CD63: variants seen among roughly 807,000 people sequenced by gnomAD.
CD63 encodes CD63 molecule.
Under a neutral mutation model 29.2 loss-of-function variants are expected in CD63, and 16 were observed. The ratio of observed to expected loss-of-function variants is 0.55; its 90% confidence interval spans 0.37 to 0.83. CD63 has a LOEUF of 0.83. Ranked by LOEUF, CD63 falls within the 40% of genes least tolerant of loss-of-function variation. The pLI, the probability that CD63 is intolerant of heterozygous loss-of-function variation, is 0.00. For missense variants in CD63, 251 were observed against 297.3 expected (o/e 0.84, Z 1.15); for synonymous variants, 118 against 111.7 (o/e 1.06, Z -0.36).
At chr12:55,724,634 C>A, downstream of CD63, 2 of 1,151,256 alleles carry the variant, frequency 1.7e-6, no homozygotes, top group East Asian at 2.4e-5. Context: ...GTGCCTGCCA[C>A]AAAATAAGCA....
In CD63 at chr12:55,726,793, C is replaced by G. The variant is rs760344386; in HGVS notation, c.333G>C (p.Val111=). The change falls in exon 5 of 8, where the codon GTG becomes GTC. Residue 111 remains valine, a splice_region_variant and synonymous_variant. Transcript: ENST00000257857. ...AIAGYVFRDK[V]MSEFNNNFRQ... is the part of the protein sequence containing the mutation. Reference sequence around the variant, plus strand: ...GGAAGTTGTTATTAAACTCTGACATCACCTGAGAGTACGGAGGAGCACTGT... The same window carrying G: ...GGAAGTTGTTATTAAACTCTGACATGACCTGAGAGTACGGAGGAGCACTGT... 4 of 1,613,134 alleles carry G rather than the reference C, an allele frequency of 2.5e-6. No homozygotes were observed. The highest frequency in any genetic ancestry group is 2.7e-5 in the African/African-American group (2 of 74,908).
rs1299540378 is a variant in CD63 at position 55,727,335 on chromosome 12, C to T, written c.71G>A (p.Cys24Tyr). 1 of 1,612,664 alleles carries T rather than the reference C, an allele frequency of 6.2e-7. No homozygotes were observed. Among genetic ancestry groups the T allele is most frequent in the Non-Finnish European group, 8.5e-7 (1 of 1,179,414 alleles). Reference sequence around the variant, plus strand: ...ACCCACGGCAATCAGTCCCACTGCACAGGCCTAAGAGAAAATCAGGTGAGG... The same window carrying T: ...ACCCACGGCAATCAGTCCCACTGCATAGGCCTAAGAGAAAATCAGGTGAGG... ...LYVLLLAFCA[C>Y]AVGLIAVGVG... is the part of the protein sequence containing the mutation. The change falls in exon 3 of 8, where the codon TGT (cysteine) becomes TAT (tyrosine). Residue 24 changes from cysteine (C) to tyrosine (Y), a missense_variant. Cys to Tyr is a radical substitution (Grantham distance 194). Coordinates refer to ENST00000257857, the MANE Select transcript of CD63 (RefSeq NM_001780.6).
downstream of CD63, chr12:55,725,244 T>C (rs576435326): frequency 6.6e-5 from 27 of 411,706 alleles, no homozygotes; most frequent in African/African-American, 4.3e-4. Context: ...TGAATGTTCA[T>C]AGTGAGCCTG....
At chr12:55,724,752 G>A (rs549034947), downstream of CD63, 15 of 640,632 alleles carry the variant, frequency 2.3e-5, no homozygotes, top group South Asian at 1.8e-4. Flanking sequence ...ACATGCTCAC[G>A]GTCTCTGGCC....
downstream of CD63, chr12:55,724,831 G>A (rs1877131871): frequency 3.9e-6 from 2 of 517,260 alleles, no homozygotes; most frequent in South Asian, 2.1e-5. Context: ...ATCTACAGCT[G>A]CACGTCGGGG....
At chr12:55,724,758 T>C (rs561289255), downstream of CD63, 3 of 627,036 alleles carry the variant, frequency 4.8e-6, no homozygotes, top group South Asian at 3.6e-5. Flanking sequence ...TCACGGTCTC[T>C]GGCCTGTTCA....
chr12:55,726,090 T>C (rs754085896), intron 6 of CD63, 31 bp downstream of exon 6: 32 of 1,611,098 alleles, frequency 2.0e-5, no homozygotes, highest in Admixed American at 6.7e-5. Context: ...TTCCCAGGTT[T>C]CCCAAGTCCC....
chr12:55,724,055 T>C (rs754803452), downstream of CD63: 16 of 1,607,452 alleles, frequency 1.0e-5, no homozygotes, highest in Non-Finnish European at 1.4e-5. Flanking sequence ...CAAGTGTGAG[T>C]AGCCAGGCCC....
At chr12:55,726,654 A>G (rs1371499783) in intron 5 of CD63, 46 bp downstream of exon 5, 1 of 1,449,684 alleles carries the variant, frequency 6.9e-7, no homozygotes, top group South Asian at 1.1e-5. Context: ...CTTGGAGATG[A>G]GAATTCTCTA....
downstream of CD63, among the ~76,000 whole-genome samples, chr12:55,724,866 T>C (rs1024445361): frequency 1.3e-5 from 2 of 152,176 alleles, no homozygotes; most frequent in Non-Finnish European, 2.9e-5. Context: ...GGCACTTTAA[T>C]ACATTTCCCT....
Position 55,728,414 on chromosome 12 carries a change from C to A in CD63, c.-11-62G>T. On this transcript the variant is annotated intron_variant, in intron 1 of 7. Transcript: ENST00000257857. This position sits in a 1 kb window ranked among gnomAD's most constrained non-coding sequence, Gnocchi z 4.8. Reference sequence around the variant, plus strand: ...CCGAAGGGGGACCTCGGTTTCCGGGCTCCCGGCCGGCCCTCGAGGGCTTCC... The same window carrying A: ...CCGAAGGGGGACCTCGGTTTCCGGGATCCCGGCCGGCCCTCGAGGGCTTCC... 1.9e-6 allele frequency: 3 copies of A among 1,554,800 alleles called. No homozygotes were observed. The highest frequency in any genetic ancestry group is 2.6e-6 in the Non-Finnish European group (3 of 1,150,160).
downstream of CD63, chr12:55,724,501 G>A (rs1877108948): frequency 1.2e-6 from 2 of 1,613,302 alleles, no homozygotes; most frequent in Non-Finnish European, 8.5e-7. Flanking sequence ...GGTGGATGCT[G>A]TGCTCACCTG....
At position 55,726,878 on chromosome 12, in the gene CD63, T is replaced by C; in HGVS notation, c.330+12A>G. 2.5e-6 allele frequency: 4 copies of C among 1,612,852 alleles called. No homozygotes were observed. The highest frequency in any genetic ancestry group is 1.6e-4 in the Middle Eastern group (1 of 6,062). The stretch of plus-strand genomic sequence containing the variant: ...CGGCTGAGGCAGGCCCTTCCCATTA[T>C]TCCCTGCTTACCTTATCTCTAAACA... On this transcript the variant is annotated intron_variant, in intron 4 of 7. Transcript: ENST00000257857.
At chr12:55,724,167 G>A, downstream of CD63, 1 of 1,470,582 alleles carries the variant, frequency 6.8e-7, no homozygotes, top group Non-Finnish European at 9.3e-7. Flanking sequence ...AGGGTGAACA[G>A]GATGTTACAA....
chr12:55,729,916 G>C (rs1206555328), upstream of CD63: 1 of 152,504 alleles, frequency 6.6e-6, no homozygotes, highest in Non-Finnish European at 1.5e-5. Context: ...GCTGGAAGCG[G>C]GCTAGGGGGA....
intron 5 of CD63, chr12:55,726,487 G>A (rs1877378846): frequency 3.2e-6 from 2 of 622,466 alleles, no homozygotes; most frequent in Admixed American, 5.8e-5. Flanking sequence ...TGGGATTACA[G>A]GCACTCACCA....
intron 3 of CD63, 60 bp downstream of exon 3, chr12:55,727,091 C>T: frequency 6.3e-7 from 1 of 1,582,920 alleles, no homozygotes; most frequent in Non-Finnish European, 8.6e-7. Flanking sequence ...CCTTCCTGAG[C>T]CCGAACCAAG....
chr12:55,725,575 A>G lies in CD63; in HGVS notation c.703T>C (p.Tyr235His). 2 of 1,613,988 alleles carry G rather than the reference A, an allele frequency of 1.2e-6. No homozygotes were observed. The highest frequency in any genetic ancestry group is 1.7e-6 in the Non-Finnish European group (2 of 1,179,936). The part of the protein sequence containing the change: ...CCLVKSIRSG[Y>H]EVM ...AGACCAGACCCCTACATCACCTCGT[A>G]GCCACTTCTGATACTCTTCACGAGG... Residue 235 changes from tyrosine to histidine, a missense_variant, in exon 8 of 8, where the codon TAC becomes CAC. Physicochemically the swap from Tyr to His is moderately conservative, Grantham distance 83. Transcript: ENST00000257857.
upstream of CD63, chr12:55,729,203 A>G (rs944361279): frequency 2.2e-6 from 2 of 925,502 alleles, no homozygotes; most frequent in Non-Finnish European, 2.6e-6. Flanking sequence ...CCTACCCGGA[A>G]GAAGGCGCCC....
Sources: gnomAD v4.1 joint callset for allele counts (sites outside exome capture counted in the v4.1 genomes callset) on GRCh38, gnomAD v4.1.1 for gene constraint, Gnocchi (gnomAD v3.1) non-coding constraint, MANE v1.5 for transcripts, NCBI Gene and HGNC (gene_info 2026-07-23, HGNC 2026-07-21) for gene names.